NFIB: variants seen among roughly 807,000 people sequenced by gnomAD.
The protein encoded by NFIB is nuclear factor 1 B-type.
A neutral mutation model predicts 61.5 loss-of-function variants in NFIB; 11 were observed. The ratio of observed to expected loss-of-function variants is 0.18; its 90% CI spans 0.11 to 0.30. The LOEUF (loss-of-function observed/expected upper bound fraction) is 0.30, where lower values mean the gene tolerates loss of function less well. Ranked by LOEUF, NFIB falls within the 10% of genes least tolerant of loss-of-function variation. The pLI is 1.00. For synonymous variants in NFIB, 260 were observed against 216.5 expected, an observed-to-expected ratio of 1.20 and a Z score of -1.76; for missense variants, 471 against 608.9, an observed-to-expected ratio of 0.77 and a Z score of 2.38.
intron 7 of NFIB, among the ~76,000 whole-genome samples, chr9:14,123,962 T>C (rs1402533169): frequency 1.3e-5 from 2 of 152,186 alleles, no homozygotes; most frequent in African/African-American, 4.8e-5. Context: ...AGAACACATA[T>C]CTTCCAGGTA....
intron 1 of NFIB, among the ~76,000 whole-genome samples, chr9:14,343,372 C>T (rs1564019839): frequency 1.3e-5 from 2 of 152,132 alleles, no homozygotes. Flanking sequence ...ACTGAGGCTG[C>T]AGCTGCCCTC....
At position 14,088,110 on chromosome 9, in the gene NFIB, T is replaced by G; in HGVS notation, c.*199A>C. The G allele has an allele frequency of 8.4e-7, 1 of 1,185,652 alleles. No individual in the cohort carries two copies. The highest frequency in any genetic ancestry group is 1.1e-6 in the Non-Finnish European group (1 of 904,446). 73.4% of individuals were successfully genotyped at this position (1,185,652 alleles called of 1,614,324 possible). On this transcript the variant is annotated 3_prime_UTR_variant, in exon 11 of 11. Coordinates refer to ENST00000380953, the MANE Select transcript of NFIB (RefSeq NM_001190737.2). ...TCTTCAGTTTCTTTCCTTTCTGCCTTTGTGTTGTTTTGTCCAGTCTTCCTC... is the reference window on the plus strand; with the variant it reads ...TCTTCAGTTTCTTTCCTTTCTGCCTGTGTGTTGTTTTGTCCAGTCTTCCTC...
intron 2 of NFIB, among the ~76,000 whole-genome samples, chr9:14,185,623 G>A (rs572055038): frequency 3.0e-4 from 45 of 152,210 alleles, no homozygotes; most frequent in African/African-American, 7.0e-4. Flanking sequence ...ATAGGGCCTG[G>A]CACATTTGGT....
intron 2 of NFIB, among the ~76,000 whole-genome samples, chr9:14,281,737 G>A (rs1030680833): frequency 6.6e-6 from 1 of 152,118 alleles, no homozygotes; most frequent in Non-Finnish European, 1.5e-5. Context: ...ATTATAAACA[G>A]CATGCTCCAG....
chr9:14,514,323 T>TACACACACACACACAC, the NFIB span, among the ~76,000 whole-genome samples: 7,634 of 147,222 alleles, frequency 0.052, 254 homozygotes, highest in Admixed American at 0.088. Context: ...CATACATACA[T>TACACACACACACACAC]ACATACACAC....
intron 1 of NFIB, among the ~76,000 whole-genome samples, chr9:14,383,135 C>T (rs188485718): frequency 6.0e-4 from 91 of 152,272 alleles, no homozygotes; most frequent in African/African-American, 1.3e-3. Context: ...GAAACTCTTA[C>T]CTACAGTTTA....
At chr9:14,273,815 C>T (rs934829811) in intron 2 of NFIB, among the ~76,000 whole-genome samples, 5 of 152,148 alleles carry the variant, frequency 3.3e-5, no homozygotes, top group South Asian at 2.1e-4. Flanking sequence ...CAAATGTTCA[C>T]GTTTCCTGAA....
At chr9:14,212,000 T>C (rs949707769) in intron 2 of NFIB, among the ~76,000 whole-genome samples, 1 of 152,220 alleles carries the variant, frequency 6.6e-6, no homozygotes, top group African/African-American at 2.4e-5. Flanking sequence ...ATTTAGCCCA[T>C]ATGAAATGGA....
chr9:14,451,664 G>C, the NFIB span, among the ~76,000 whole-genome samples: 1 of 152,256 alleles, frequency 6.6e-6, no homozygotes, highest in African/African-American at 2.4e-5. Flanking sequence ...ATATTTTAGA[G>C]CTTGCTTGTA....
the NFIB span, among the ~76,000 whole-genome samples, chr9:14,451,650 CATA>C: frequency 3.9e-5 from 6 of 152,158 alleles, no homozygotes; most frequent in Admixed American, 3.9e-4. Flanking sequence ...ACATACAAAT[CATA>C]ATATTTTAGA....
chr9:14,227,999 C>G (rs1587765228), intron 2 of NFIB, among the ~76,000 whole-genome samples: 1 of 152,188 alleles, frequency 6.6e-6, no homozygotes, highest in Admixed American at 6.5e-5. Flanking sequence ...ATTTTTAACT[C>G]ATTAATAATT....
At chr9:14,164,270 G>A (rs2044526076) in intron 3 of NFIB, among the ~76,000 whole-genome samples, 1 of 152,050 alleles carries the variant, frequency 6.6e-6, no homozygotes, top group Non-Finnish European at 1.5e-5. Flanking sequence ...CACATTCTGA[G>A]AAATGTGTTA....
At chr9:14,372,721 T>C (rs943663950) in intron 1 of NFIB, among the ~76,000 whole-genome samples, 3 of 152,180 alleles carry the variant, frequency 2.0e-5, no homozygotes, top group African/African-American at 7.2e-5. Flanking sequence ...GCGGGTGCCC[T>C]GCTTAATTAT....
intron 1 of NFIB, among the ~76,000 whole-genome samples, chr9:14,337,955 G>C (rs1564016556): frequency 6.6e-6 from 1 of 152,062 alleles, no homozygotes; most frequent in African/African-American, 2.4e-5. Context: ...AATTACATTA[G>C]ACTGGGCAGT....
intron 3 of NFIB, among the ~76,000 whole-genome samples, chr9:14,169,848 C>T (rs1587266595): frequency 6.6e-6 from 1 of 152,078 alleles, no homozygotes; most frequent in African/African-American, 2.4e-5. Context: ...AATTAACACA[C>T]AAAAGTCCTT....
chr9:14,201,236 T>C (rs938693557), intron 2 of NFIB, among the ~76,000 whole-genome samples: 1 of 152,176 alleles, frequency 6.6e-6, no homozygotes, highest in African/African-American at 2.4e-5. Context: ...TTAAAACACC[T>C]TGGTGGCTTC....
In NFIB at chr9:14,276,828, A is replaced by G. The variant is rs114025490; in HGVS notation, c.562+30161T>C. Among the ~76,000 whole-genome samples the G allele has an allele frequency of 9.3e-3, 1,410 of 152,190 alleles. 20 individuals carry two copies. Among genetic ancestry groups the G allele is most frequent in the African/African-American group, 0.032 (1,341 of 41,528 alleles). On this transcript the variant is annotated intron_variant, in intron 2 of 10. Transcript: ENST00000380953. ...AATATAGCTTCATGCAGTCACCTAAATATCTTCAAGTATTGTAAACTGAAT... is the reference window on the plus strand; with the variant it reads ...AATATAGCTTCATGCAGTCACCTAAGTATCTTCAAGTATTGTAAACTGAAT...
At chr9:14,347,413 A>T (rs2061039639) in intron 1 of NFIB, 2 of 152,482 alleles carry the variant, frequency 1.3e-5, no homozygotes, top group South Asian at 4.1e-4. Context: ...GTGGAGGGGG[A>T]AGAGGGACTC....
chr9:14,443,707 C>G, the NFIB span, among the ~76,000 whole-genome samples: 15 of 152,294 alleles, frequency 9.8e-5, no homozygotes, highest in Admixed American at 5.9e-4. Context: ...TGTGGTCTCA[C>G]CCTTTAATTT....
Sources: gnomAD v4.1 joint callset for allele counts (sites outside exome capture counted in the v4.1 genomes callset) on GRCh38, gnomAD v4.1.1 for gene constraint, MANE v1.5 for transcripts, NCBI Gene and HGNC (gene_info 2026-07-23, HGNC 2026-07-21) for gene names.